Variants in DHX15 observed in about 807,000 individuals in gnomAD.
DHX15 encodes ATP-dependent RNA helicase DHX15.
A neutral mutation model predicts 94.4 loss-of-function variants in DHX15; 11 were observed. The observed-to-expected ratio is 0.12, with a 90% confidence interval of 0.07 to 0.19. The LOEUF (loss-of-function observed/expected upper bound fraction) is 0.19. DHX15 is among the 10% of genes least tolerant of loss of function. The pLI, the probability that DHX15 is intolerant of heterozygous loss-of-function variation, is 1.00. For synonymous variants in DHX15, 338 were observed against 329.9 expected (o/e 1.02, Z -0.27); for missense variants, 304 against 988.5 (o/e 0.31, Z 9.29).
At chr4:24,576,883 G>GC (rs1209002052) in intron 1 of DHX15, among the ~76,000 whole-genome samples, 5 of 152,112 alleles carry the variant, frequency 3.3e-5, no homozygotes, top group Non-Finnish European at 5.9e-5. Flanking sequence ...CCTTGCTGAT[G>GC]CCCCACCTTC....
At chr4:24,554,700 A>G in intron 5 of DHX15, 25 bp downstream of exon 5, 1 of 1,575,868 alleles carries the variant, frequency 6.3e-7, no homozygotes, top group African/African-American at 1.3e-5. Context: ...CAAAAGCTAA[A>G]TAATGAAGAA....
At position 24,559,647 on chromosome 4, in the gene DHX15, A is replaced by T. The variant is rs540882939; in HGVS notation, c.702-3237T>A. Among the ~76,000 whole-genome samples the T allele has an allele frequency of 5.9e-5, 9 of 152,284 alleles. No individual in the cohort carries two copies. The South Asian group carries it at 1.7e-3, about 28-fold the overall frequency. The stretch of plus-strand genomic sequence containing the variant: ...TTGAAGTTTCAATGATGAATTAATA[A>T]AAGTGCCACAGGATAGCCAAACTCC... On this transcript the variant is annotated intron_variant, in intron 3 of 13. Coordinates refer to ENST00000336812, the MANE Select transcript of DHX15 (RefSeq NM_001358.3).
intron 6 of DHX15, among the ~76,000 whole-genome samples, chr4:24,547,949 C>CTA (rs138625312): frequency 0.53 from 47,935 of 91,152 alleles, 9,233 homozygotes; most frequent in Admixed American, 0.62. Context: ...ATATCTATAT[C>CTA]TATATCTATA....
intron 2 of DHX15, 43 bp downstream of exon 2, chr4:24,576,200 T>G: frequency 6.6e-7 from 1 of 1,515,968 alleles, no homozygotes. Context: ...TTTGGTAAAC[T>G]TAAACATAAA....
Position 24,541,869 on chromosome 4 carries a change from A to G in DHX15, c.1485+4T>C. On this transcript the variant is annotated splice_donor_region_variant and intron_variant, in intron 8 of 13. Coordinates refer to ENST00000336812, the MANE Select transcript of DHX15 (RefSeq NM_001358.3). ...TATCGGCAGGAAACGACAATACCCC[A>G]TACCTGCATTTCTGTTTTATAAGCT... The G allele has an allele frequency of 2.5e-6, 4 of 1,580,624 alleles. No individual in the cohort carries two copies. The highest frequency in any genetic ancestry group is 3.5e-6 in the Non-Finnish European group (4 of 1,158,250).
chr4:24,536,917 G>A, intron 11 of DHX15, 134 bp downstream of exon 11: 1 of 1,025,976 alleles, frequency 9.7e-7, no homozygotes, highest in Non-Finnish European at 1.3e-6. Context: ...ATGCTCGTCA[G>A]GAGTTTTTCA....
intron 13 of DHX15, 92 bp downstream of exon 13, chr4:24,529,509 G>C: frequency 2.8e-6 from 3 of 1,069,280 alleles, no homozygotes; most frequent in East Asian, 2.4e-5. Context: ...AATTCTCAAT[G>C]AGTGAATGCA....
At chr4:24,555,210 T>C (rs1721702977) in intron 4 of DHX15, among the ~76,000 whole-genome samples, 1 of 151,960 alleles carries the variant, frequency 6.6e-6, no homozygotes, top group South Asian at 2.1e-4. Context: ...TAAAATTATA[T>C]GTAATTCAGA....
intron 3 of DHX15, 82 bp from the exon 4 acceptor site, chr4:24,556,492 G>T: frequency 8.8e-7 from 1 of 1,134,036 alleles, no homozygotes; most frequent in Non-Finnish European, 1.2e-6. Context: ...GAAATGCAAA[G>T]ACATAAGGTA....
intron 12 of DHX15, among the ~76,000 whole-genome samples, chr4:24,531,752 G>A (rs1721088594): frequency 6.6e-6 from 1 of 151,922 alleles, no homozygotes; most frequent in African/African-American, 2.4e-5. Context: ...AACAGAACAT[G>A]TCAAAGAGAA....
chr4:24,540,080 C>CT (rs571629920), intron 10 of DHX15, 28 bp downstream of exon 10: 69 of 1,437,670 alleles, frequency 4.8e-5, no homozygotes, highest in South Asian at 1.3e-4. Flanking sequence ...AAGAGCTGGG[C>CT]TTTTTTTTGT....
chr4:24,568,246 T>A (rs578170828), intron 3 of DHX15, among the ~76,000 whole-genome samples: 4 of 152,244 alleles, frequency 2.6e-5, no homozygotes, highest in Non-Finnish European at 5.9e-5. Context: ...TTTATATCTA[T>A]ATATGATAAG....
intron 2 of DHX15, among the ~76,000 whole-genome samples, chr4:24,571,659 A>G (rs1315190784): frequency 1.3e-5 from 2 of 152,250 alleles, no homozygotes; most frequent in South Asian, 2.1e-4. Flanking sequence ...CTAGAAGAGC[A>G]TAACTGGTTT....
chr4:24,541,334 T>C (rs1465782384), intron 8 of DHX15, among the ~76,000 whole-genome samples: 1 of 152,142 alleles, frequency 6.6e-6, no homozygotes, highest in Non-Finnish European at 1.5e-5. Context: ...TATACACCCA[T>C]TTGTCACTTA....
chr4:24,563,297 C>T (rs1253571355), intron 3 of DHX15: 1 of 152,130 alleles, frequency 6.6e-6, no homozygotes, highest in Middle Eastern at 3.2e-3. Flanking sequence ...CAACCTGGGC[C>T]GGTTCACACC....
In DHX15 at chr4:24,576,701, C is replaced by G. The variant is rs376187179; in HGVS notation, c.72-23G>C. 16 of 1,606,088 alleles carry G rather than the reference C, an allele frequency of 1.0e-5. 1 individual carries two copies. The African/African-American group carries it at 1.3e-4, about 13-fold the overall frequency. Reference sequence around the variant, plus strand: ...TTCCTAAAAACAAAAATTTAGAATTCAGATTCTGAATTTTATGCAGAATGT... The same window carrying G: ...TTCCTAAAAACAAAAATTTAGAATTGAGATTCTGAATTTTATGCAGAATGT... On this transcript the variant is annotated intron_variant, in intron 1 of 13. Transcript: ENST00000336812.
rs1272044932 is a variant in DHX15, at chr4:24,532,906, A to G, written c.2058T>C (p.Tyr686=). The change falls in exon 12 of 14, where the codon TAT becomes TAC. Residue 686 remains tyrosine, a synonymous_variant. Coordinates refer to ENST00000336812, the MANE Select transcript of DHX15 (RefSeq NM_001358.3). ...TAACCAAAGCTTTTCTTATATTAATATAATAGTCCCTGCTTGTAAAGTCAG... is the reference window on the plus strand; with the variant it reads ...TAACCAAAGCTTTTCTTATATTAATGTAATAGTCCCTGCTTGTAAAGTCAG... ...RSTDFTSRDY[Y]INIRKALVTG... 5.6e-6 allele frequency: 9 copies of G among 1,613,434 alleles called. No homozygotes were observed. The highest frequency in any genetic ancestry group is 4.0e-5 in the African/African-American group (3 of 74,900).
At chr4:24,541,211 C>G (rs542298471) in intron 8 of DHX15, among the ~76,000 whole-genome samples, 2 of 152,186 alleles carry the variant, frequency 1.3e-5, no homozygotes, top group East Asian at 3.9e-4. Context: ...CATCTGAACT[C>G]GCAATTTCCA....
intron 11 of DHX15, chr4:24,533,850 G>C (rs1015496100): frequency 1.3e-5 from 2 of 152,114 alleles, no homozygotes; most frequent in African/African-American, 4.8e-5. Flanking sequence ...AACTAACAGG[G>C]TTATTGTGAA....
Sources: allele counts gnomAD v4.1 joint callset (sites outside exome capture counted in the v4.1 genomes callset), GRCh38; gene constraint gnomAD v4.1.1; transcripts MANE v1.5; gene names NCBI Gene and HGNC (gene_info 2026-07-23, HGNC 2026-07-21).